CNTN5: variants seen among roughly 807,000 people sequenced by gnomAD.
CNTN5 encodes the protein contactin 5.
Under a neutral mutation model 129.1 loss-of-function variants are expected in CNTN5, and 77 were observed. The observed-to-expected ratio is 0.60, with a 90% confidence interval of 0.50 to 0.72. The LOEUF (loss-of-function observed/expected upper bound fraction) is 0.72, where lower values mean the gene tolerates loss of function less well. CNTN5 is among the 30% of genes least tolerant of loss of function. The pLI is 0.00. For synonymous variants in CNTN5, 509 were observed against 465.6 expected, an observed-to-expected ratio of 1.09 and a Z score of -1.20; for missense variants, 1,478 against 1,328.8, an observed-to-expected ratio of 1.11 and a Z score of -1.75.
At chr11:99,230,908 G>T (rs996515071) in intron 1 of CNTN5, among the ~76,000 whole-genome samples, 1 of 152,122 alleles carries the variant, frequency 6.6e-6, no homozygotes, top group Non-Finnish European at 1.5e-5. Flanking sequence ...TGTGGTGTTT[G>T]GTTTTGTGTT....
At chr11:100,050,067 C>T (rs1035117205) in intron 9 of CNTN5, among the ~76,000 whole-genome samples, 66 of 152,122 alleles carry the variant, frequency 4.3e-4, no homozygotes, top group Middle Eastern at 3.2e-3. Flanking sequence ...GTCAGTGTGG[C>T]GATTCCTCAG....
chr11:99,578,314 C>T (rs1591306248), intron 3 of CNTN5, among the ~76,000 whole-genome samples: 2 of 151,684 alleles, frequency 1.3e-5, no homozygotes, highest in Admixed American at 1.3e-4. Flanking sequence ...TTTATGGCAG[C>T]ATGATTTATA....
chr11:99,428,704 G>A (rs1479344974), intron 2 of CNTN5, among the ~76,000 whole-genome samples: 1 of 151,362 alleles, frequency 6.6e-6, no homozygotes, highest in East Asian at 1.9e-4. Flanking sequence ...TTATGTATAA[G>A]CATTTATTCC....
chr11:100,013,422 T>C (rs903263544), intron 9 of CNTN5, among the ~76,000 whole-genome samples: 1 of 152,148 alleles, frequency 6.6e-6, no homozygotes, highest in African/African-American at 2.4e-5. Context: ...ACCAGGTACA[T>C]AATCTTGACA....
intron 8 of CNTN5, among the ~76,000 whole-genome samples, chr11:99,963,104 A>T (rs983636200): frequency 7.9e-5 from 12 of 152,270 alleles, no homozygotes; most frequent in African/African-American, 2.9e-4. Flanking sequence ...CCCATTCTGT[A>T]GGTTGCCTGT....
At chr11:99,793,196 GC>G (rs1945814518) in intron 3 of CNTN5, among the ~76,000 whole-genome samples, 1 of 151,754 alleles carries the variant, frequency 6.6e-6, no homozygotes, top group Non-Finnish European at 1.5e-5. Flanking sequence ...AGTAGCTGGG[GC>G]TACAGGCACC....
At chr11:99,619,729 T>G (rs1950870962) in intron 3 of CNTN5, among the ~76,000 whole-genome samples, 1 of 152,014 alleles carries the variant, frequency 6.6e-6, no homozygotes, top group Admixed American at 6.6e-5. Flanking sequence ...AAATGTGAAA[T>G]ACTAAGAAAC....
chr11:99,716,025 T>TA (rs11416838), intron 3 of CNTN5, among the ~76,000 whole-genome samples: 116,149 of 151,480 alleles, frequency 0.77, 45,597 homozygotes, highest in East Asian at 1. Context: ...TCATCTAATT[T>TA]AAAAAAAAGT....
intron 1 of CNTN5, among the ~76,000 whole-genome samples, chr11:99,139,181 T>C (rs894226896): frequency 1.3e-5 from 2 of 150,546 alleles, no homozygotes; most frequent in Non-Finnish European, 3.0e-5. Context: ...GTGGGAGGAT[T>C]GCTTGAGCCT....
chr11:99,588,582 T>C (rs1018529482), intron 3 of CNTN5, among the ~76,000 whole-genome samples: 13 of 152,070 alleles, frequency 8.5e-5, no homozygotes, highest in Non-Finnish European at 1.9e-4. Flanking sequence ...GTGGTGGAGG[T>C]AGGAGAATTT....
intron 6 of CNTN5, among the ~76,000 whole-genome samples, chr11:99,896,531 A>G (rs2135932489): frequency 6.6e-6 from 1 of 152,276 alleles, no homozygotes; most frequent in African/African-American, 2.4e-5. Flanking sequence ...CCTGCCAAAC[A>G]GAACTCACTG....
chr11:99,162,204 T>G (rs1860649743), intron 1 of CNTN5, among the ~76,000 whole-genome samples: 1 of 152,130 alleles, frequency 6.6e-6, no homozygotes, highest in Non-Finnish European at 1.5e-5. Flanking sequence ...TTCTCTGGCT[T>G]CTGTGCATAA....
At chr11:100,129,324 T>A (rs1946299703) in intron 13 of CNTN5, among the ~76,000 whole-genome samples, 1 of 152,234 alleles carries the variant, frequency 6.6e-6, no homozygotes, top group East Asian at 1.9e-4. Context: ...TCAAGCTGGG[T>A]TTTCAAAGTA....
At chr11:100,031,410 G>A (rs1777825362) in intron 9 of CNTN5, among the ~76,000 whole-genome samples, 1 of 152,128 alleles carries the variant, frequency 6.6e-6, no homozygotes, top group South Asian at 2.1e-4. Context: ...TCCCAGAAAA[G>A]CAGATGTTCA....
chr11:99,694,674 C>G (rs1040950226), intron 3 of CNTN5, among the ~76,000 whole-genome samples: 11 of 152,176 alleles, frequency 7.2e-5, no homozygotes, highest in African/African-American at 2.6e-4. Flanking sequence ...CCCCGAGCCC[C>G]CCACCCCCTG....
intron 21 of CNTN5, among the ~76,000 whole-genome samples, chr11:100,322,591 T>TAC (rs1273108251): frequency 6.6e-6 from 1 of 152,216 alleles, no homozygotes. Flanking sequence ...ACCATTGACA[T>TAC]ACATTAAGGT....
intron 1 of CNTN5, among the ~76,000 whole-genome samples, chr11:99,299,064 T>C (rs1864509557): frequency 6.6e-6 from 1 of 152,146 alleles, no homozygotes; most frequent in Non-Finnish European, 1.5e-5. Context: ...TGATCTGCTT[T>C]TCGTGTTTCT....
In CNTN5 at chr11:100,350,885, A is replaced by G; in HGVS notation, c.3199+15A>G. 1 of 1,527,634 alleles carries G rather than the reference A, an allele frequency of 6.5e-7. No homozygotes were observed. The highest frequency in any genetic ancestry group is 8.9e-7 in the Non-Finnish European group (1 of 1,129,490). 94.6% of individuals were successfully genotyped at this position (1,527,634 alleles called of 1,614,324 possible). ...ATCATATTCAGGTAAGTTTTGACAC[A>G]GTAGATTTAATTTGCTGACAACCAA... On this transcript the variant is annotated intron_variant, in intron 24 of 24. Transcript: ENST00000524871.
intron 2 of CNTN5, among the ~76,000 whole-genome samples, chr11:99,409,382 G>A (rs1396399718): frequency 5.3e-5 from 8 of 152,236 alleles, no homozygotes; most frequent in Non-Finnish European, 8.8e-5. Flanking sequence ...AAAGGAGAAT[G>A]GCGTGAACCC....
Sources: gnomAD v4.1 joint callset for allele counts (sites outside exome capture counted in the v4.1 genomes callset) on GRCh38, gnomAD v4.1.1 for gene constraint, MANE v1.5 for transcripts, NCBI Gene and HGNC (gene_info 2026-07-23, HGNC 2026-07-21) for gene names.